The following OTOGL variants were observed in gnomAD, a reference collection of about 807,000 sequenced individuals.
OTOGL encodes otogelin like.
OTOGL carries 285 observed loss-of-function variants against 318.5 expected under a neutral mutation model. That is an observed-to-expected ratio of 0.89 (90% CI 0.81 to 0.99). The LOEUF (loss-of-function observed/expected upper bound fraction) is 0.99. Among genes scored for constraint, OTOGL ranks in the 50% least tolerant of loss-of-function variants. OTOGL has a pLI of 0.00. For synonymous variants in OTOGL, 987 were observed against 936.5 expected (o/e 1.05, Z -0.99); for missense variants, 2,899 against 2,845.6 (o/e 1.02, Z -0.43).
rs1881860124 is a variant in OTOGL, at chr12:80,254,569, A to G, written c.1440A>G (p.Pro480=). The G allele has an allele frequency of 1.9e-6, 3 of 1,604,148 alleles. No individual in the cohort carries two copies. Among genetic ancestry groups the G allele is most frequent in the East Asian group, 4.5e-5 (2 of 44,694 alleles). Residue 480 remains proline, a splice_region_variant and synonymous_variant, in exon 15 of 59, where the codon CCA becomes CCG. Coordinates refer to ENST00000547103, the MANE Select transcript of OTOGL (RefSeq NM_001378609.3). ...GVWNCTEQDC[P]VQCSVVGDSH... ...GGAACTGCACTGAGCAAGACTGTCCAGGTAATTTTTTAAAATGTTTTTATA... is the reference window on the plus strand; with the variant it reads ...GGAACTGCACTGAGCAAGACTGTCCGGGTAATTTTTTAAAATGTTTTTATA...
chr12:80,341,857 G>T (rs981805469), intron 43 of OTOGL, 91 bp from the exon 44 acceptor site: 11 of 860,332 alleles, frequency 1.3e-5, no homozygotes, highest in South Asian at 1.8e-5. Context: ...TAAATCATTT[G>T]TTCATTTAAA....
chr12:80,238,453 T>A (rs1250047610), intron 9 of OTOGL, among the ~76,000 whole-genome samples: 1 of 152,176 alleles, frequency 6.6e-6, no homozygotes, highest in Non-Finnish European at 1.5e-5. Context: ...TTAAATATAA[T>A]GAGAGAGCTG....
At chr12:80,157,757 G>C (rs1020976211) in intron 1 of OTOGL, among the ~76,000 whole-genome samples, 44 of 152,110 alleles carry the variant, frequency 2.9e-4, no homozygotes, top group African/African-American at 9.6e-4. Flanking sequence ...TTTGTTTCTG[G>C]GTTCTCTATT....
chr12:80,179,421 G>A (rs1307956374), intron 1 of OTOGL, among the ~76,000 whole-genome samples: 1 of 152,088 alleles, frequency 6.6e-6, no homozygotes, highest in Non-Finnish European at 1.5e-5. Context: ...ACTAATGGAG[G>A]TGAAAACTTC....
rs1015770655 is a variant in OTOGL at position 80,308,978 on chromosome 12, C to T, written c.3334-1633C>T. Among the ~76,000 whole-genome samples, 3 of 85,858 alleles carry T rather than the reference C, an allele frequency of 3.5e-5. No individual in the cohort carries two copies. In the South Asian group the frequency reaches 1.6e-3, roughly 44 times the overall value. The allele number at this position is 85,858 out of a possible 152,430, so 56.3% of individuals were successfully genotyped here. A position where few individuals can be genotyped will look rare whatever the true frequency, so the allele number is the denominator to read the frequency against. On this transcript the variant is annotated intron_variant, in intron 29 of 58. Coordinates refer to ENST00000547103, the MANE Select transcript of OTOGL (RefSeq NM_001378609.3). The stretch of plus-strand genomic sequence containing the variant: ...CGTGGAAAGAGAGGGAGAGGGAGAC[C>T]GTGGGGAGAGGGAGAGGGAGAGGGA...
At chr12:80,189,567 GT>G (rs1410631469) in intron 1 of OTOGL, 1 of 748,592 alleles carries the variant, frequency 1.3e-6, no homozygotes, top group East Asian at 1.3e-4. Context: ...TGACAATATA[GT>G]TATCTGAAAG....
intron 4 of OTOGL, among the ~76,000 whole-genome samples, chr12:80,212,523 G>A (rs1877345132): frequency 6.6e-6 from 1 of 152,122 alleles, no homozygotes; most frequent in Admixed American, 6.6e-5. Context: ...CTGCATTTGA[G>A]GAGACCTTCT....
chr12:80,346,228 G>A (rs771544435), intron 44 of OTOGL, among the ~76,000 whole-genome samples: 12 of 152,090 alleles, frequency 7.9e-5, no homozygotes, highest in Non-Finnish European at 1.8e-4. Flanking sequence ...TGTAAAACTT[G>A]CATGACCTCA....
chr12:80,358,188 CATATT>C, intron 49 of OTOGL, 55 bp from the exon 50 acceptor site: 5 of 1,077,688 alleles, frequency 4.6e-6, no homozygotes, highest in African/African-American at 1.6e-5. Flanking sequence ...AATTTAAACT[CATATT>C]ATAATTCATG....
chr12:80,209,573 A>T (rs1877083763), intron 2 of OTOGL, 63 bp downstream of exon 2: 2 of 1,159,908 alleles, frequency 1.7e-6, no homozygotes, highest in Non-Finnish European at 2.4e-6. Flanking sequence ...TACAATTTAT[A>T]CAAATAGTTT....
intron 29 of OTOGL, among the ~76,000 whole-genome samples, chr12:80,310,139 T>A (rs1200328827): frequency 6.6e-6 from 1 of 152,104 alleles, no homozygotes; most frequent in Non-Finnish European, 1.5e-5. Flanking sequence ...CCTTTATATT[T>A]AACAATGAAG....
At chr12:80,202,193 C>T (rs935077221) in intron 1 of OTOGL, among the ~76,000 whole-genome samples, 3 of 152,110 alleles carry the variant, frequency 2.0e-5, no homozygotes, top group South Asian at 2.1e-4. Context: ...GATCACTTCA[C>T]AGCACTTCAT....
At chr12:80,308,232 G>C (rs1297418110) in intron 29 of OTOGL, among the ~76,000 whole-genome samples, 23 of 148,402 alleles carry the variant, frequency 1.5e-4, no homozygotes, top group Non-Finnish European at 3.1e-4. Flanking sequence ...TGGGTGGAGG[G>C]GCTCCTCACT....
chr12:80,118,431 G>A lies in OTOGL; in HGVS notation c.-20+18826G>A, dbSNP rs1034533488. 1.1e-4 allele frequency among the ~76,000 whole-genome samples: 17 copies of A among 152,242 alleles called. 1 individual carries two copies. In the South Asian group the frequency reaches 1.2e-3, roughly 11 times the overall value. ...AGGAGGGGGATAGAAGGAGTGTAACGTTTTCTTCCCAACCCCGATGGCTTA... is the reference window on the plus strand; with the variant it reads ...AGGAGGGGGATAGAAGGAGTGTAACATTTTCTTCCCAACCCCGATGGCTTA... On this transcript the variant is annotated intron_variant, in intron 1 of 58. Transcript: ENST00000547103.
chr12:80,317,989 T>A (rs1045242694), intron 32 of OTOGL, among the ~76,000 whole-genome samples: 4 of 152,144 alleles, frequency 2.6e-5, no homozygotes, highest in African/African-American at 7.2e-5. Flanking sequence ...GTGTCCCAGA[T>A]GATGGGTCAG....
intron 24 of OTOGL, among the ~76,000 whole-genome samples, chr12:80,273,756 C>T (rs971277102): frequency 2.0e-5 from 3 of 151,970 alleles, no homozygotes; most frequent in Non-Finnish European, 4.4e-5. Context: ...TGTGGCAACC[C>T]TGCATCAAGC....
At chr12:80,140,953 C>T (rs562285062) in intron 1 of OTOGL, among the ~76,000 whole-genome samples, 35 of 152,056 alleles carry the variant, frequency 2.3e-4, no homozygotes, top group African/African-American at 8.2e-4. Context: ...AACTAACTTA[C>T]CAAATATACC....
intron 44 of OTOGL, among the ~76,000 whole-genome samples, chr12:80,345,112 ATAT>A (rs1350954133): frequency 7.6e-4 from 2 of 2,624 alleles, no homozygotes; most frequent in Non-Finnish European, 2.5e-3. Flanking sequence ...ATTATAATAT[ATAT>A]TATTATGTTA....
intron 50 of OTOGL, 65 bp downstream of exon 50, chr12:80,358,414 C>T: frequency 7.8e-7 from 1 of 1,282,140 alleles, no homozygotes; most frequent in Non-Finnish European, 1.1e-6. Context: ...CCCAGTGCAT[C>T]TTAGTTGGCT....
Sources: allele counts gnomAD v4.1 joint callset (sites outside exome capture counted in the v4.1 genomes callset), GRCh38; gene constraint gnomAD v4.1.1; transcripts MANE v1.5; gene names NCBI Gene and HGNC (gene_info 2026-07-23, HGNC 2026-07-21).